SULT4A1: variants seen among roughly 807,000 people sequenced by gnomAD.
SULT4A1 encodes the protein sulfotransferase 4A1.
Under a neutral mutation model 35.2 loss-of-function variants are expected in SULT4A1, and 11 were observed. That is an observed-to-expected ratio of 0.31 (90% CI 0.20 to 0.52). The LOEUF is 0.52. SULT4A1 is among the 20% of genes least tolerant of loss of function. SULT4A1 has a pLI of 0.97. For synonymous variants in SULT4A1, 152 were observed against 151.8 expected, an observed-to-expected ratio of 1.00 and a Z score of -0.01; for missense variants, 271 against 383.7, an observed-to-expected ratio of 0.71 and a Z score of 2.45.
chr22:43,850,736 T>G (rs1260217078), intron 1 of SULT4A1, among the ~76,000 whole-genome samples: 1 of 152,172 alleles, frequency 6.6e-6, no homozygotes, highest in South Asian at 2.1e-4. Flanking sequence ...TTCCTGGGCA[T>G]GTGAGACTGA....
At chr22:43,831,650 C>T (rs1483073047) in intron 5 of SULT4A1, among the ~76,000 whole-genome samples, 1 of 152,248 alleles carries the variant, frequency 6.6e-6, no homozygotes, top group African/African-American at 2.4e-5. Context: ...CAGAGCTCCG[C>T]GCCACGCAGG....
intron 6 of SULT4A1, chr22:43,826,350 C>T (rs1290428347): frequency 5.1e-6 from 5 of 985,286 alleles, no homozygotes; most frequent in Non-Finnish European, 6.0e-6. Flanking sequence ...GAGGCTGTGG[C>T]ACAGTGAGCC....
rs111926120 is a variant in SULT4A1, at chr22:43,850,911, C to T, written c.170-8979G>A. Among the ~76,000 whole-genome samples, 541 of 152,196 alleles carry T rather than the reference C, an allele frequency of 3.6e-3. 2 individuals are homozygous for T. The highest frequency in any genetic ancestry group is 6.6e-3 in the Non-Finnish European group (447 of 67,996). On this transcript the variant is annotated intron_variant, in intron 1 of 6. Transcript: ENST00000330884. ...CTCTCTGTGGGAGCTTTGAGATCTT[C>T]CCTTTGCCCCAGTTTACTCATTCAC...
In SULT4A1 at chr22:43,840,030, G is replaced by A. The variant is rs376011083; in HGVS notation, c.301-5C>T. The A allele has an allele frequency of 4.8e-5, 77 of 1,598,322 alleles. No homozygotes were observed. The highest frequency in any genetic ancestry group is 5.9e-5 in the Non-Finnish European group (69 of 1,172,796). On this transcript the variant is annotated splice_region_variant and splice_polypyrimidine_tract_variant and intron_variant, in intron 2 of 6. Coordinates refer to ENST00000330884, the MANE Select transcript of SULT4A1 (RefSeq NM_014351.4). The stretch of plus-strand genomic sequence containing the variant: ...GAGGCGGGGAGAGGTCAGTTCCTGC[G>A]TGGAGTCAGAGGGAGAGGCAGGTCA...
intron 4 of SULT4A1, among the ~76,000 whole-genome samples, chr22:43,834,046 G>A (rs2063345435): frequency 6.6e-6 from 1 of 152,178 alleles, no homozygotes; most frequent in African/African-American, 2.4e-5. Flanking sequence ...TGGTCACCAG[G>A]AAGCCCTGGA....
At chr22:43,831,046 G>A (rs940484287) in intron 5 of SULT4A1, among the ~76,000 whole-genome samples, 10 of 152,168 alleles carry the variant, frequency 6.6e-5, no homozygotes, top group Admixed American at 4.6e-4. Flanking sequence ...TCACAGACCG[G>A]CTTTGATAGA....
At chr22:43,837,682 G>A (rs768155918) in intron 4 of SULT4A1, among the ~76,000 whole-genome samples, 10 of 152,206 alleles carry the variant, frequency 6.6e-5, no homozygotes, top group South Asian at 2.1e-4. Flanking sequence ...TGAGGCCCTC[G>A]TGGGTTTTCA....
chr22:43,861,915 C>A (rs544728193), intron 1 of SULT4A1, among the ~76,000 whole-genome samples: 13 of 152,346 alleles, frequency 8.5e-5, no homozygotes, highest in African/African-American at 3.1e-4. Flanking sequence ...TGGGTGGCGG[C>A]CCTGGGCCCA....
chr22:43,857,961 G>A, intron 1 of SULT4A1, among the ~76,000 whole-genome samples: 1 of 144,514 alleles, frequency 6.9e-6, no homozygotes, highest in East Asian at 2.2e-4. Flanking sequence ...GAGGCAGGAG[G>A]ATTGCTTGAG....
At chr22:43,858,736 C>G (rs1430742336) in intron 1 of SULT4A1, among the ~76,000 whole-genome samples, 2 of 135,670 alleles carry the variant, frequency 1.5e-5, no homozygotes, top group African/African-American at 5.5e-5. Flanking sequence ...CTTACCCCCT[C>G]CTGTGGGTGG....
intron 5 of SULT4A1, 29 bp from the exon 6 acceptor site, chr22:43,829,227 G>A (rs367844564): frequency 5.5e-5 from 83 of 1,510,028 alleles, no homozygotes; most frequent in Non-Finnish European, 6.8e-5. Flanking sequence ...GAGCAGAGCA[G>A]CCCATCAGAG....
chr22:43,834,359 C>G (rs1352435087), intron 4 of SULT4A1, among the ~76,000 whole-genome samples: 1 of 112,966 alleles, frequency 8.9e-6, no homozygotes, highest in Non-Finnish European at 1.9e-5. Flanking sequence ...GCTTCCCGCG[C>G]CCCCACCGCG....
intron 1 of SULT4A1, among the ~76,000 whole-genome samples, chr22:43,861,035 C>T (rs1373985981): frequency 2.6e-5 from 4 of 152,130 alleles, no homozygotes; most frequent in Non-Finnish European, 2.9e-5. Context: ...AATGAGTGGC[C>T]ACAGAAGCCA....
At chr22:43,838,111 G>A (rs1321185217) in intron 4 of SULT4A1, among the ~76,000 whole-genome samples, 1 of 152,216 alleles carries the variant, frequency 6.6e-6, no homozygotes, top group Non-Finnish European at 1.5e-5. Flanking sequence ...AGGAAGGCAG[G>A]AACAGAACTG....
chr22:43,852,508 C>A (rs1184012783), intron 1 of SULT4A1, among the ~76,000 whole-genome samples: 1 of 152,044 alleles, frequency 6.6e-6, no homozygotes, highest in Non-Finnish European at 1.5e-5. Context: ...GGCAACCCAT[C>A]AGGGCCAGGC....
chr22:43,832,196 T>G lies in SULT4A1; in HGVS notation c.603+1444A>C, dbSNP rs114180029. Among the ~76,000 whole-genome samples the G allele has an allele frequency of 2.6e-3, 400 of 152,276 alleles. 2 individuals are homozygous for G. Among genetic ancestry groups the G allele is most frequent in the African/African-American group, 9.2e-3 (381 of 41,552 alleles). On this transcript the variant is annotated intron_variant, in intron 5 of 6. Coordinates refer to ENST00000330884, the MANE Select transcript of SULT4A1 (RefSeq NM_014351.4). ...TCTCTACCACACCGTCCTCTGGGCG[T>G]GAGCAGGGACCCTAAATGTGGCTCT... is the stretch of plus-strand genomic sequence containing the variant.
chr22:43,844,192 A>T (rs1374694559), intron 1 of SULT4A1, among the ~76,000 whole-genome samples: 2 of 152,214 alleles, frequency 1.3e-5, no homozygotes, highest in African/African-American at 4.8e-5. Flanking sequence ...CGCACATGTA[A>T]GATATAATTC....
intron 1 of SULT4A1, among the ~76,000 whole-genome samples, chr22:43,842,658 A>G (rs573434038): frequency 1.3e-5 from 2 of 152,298 alleles, no homozygotes; most frequent in African/African-American, 4.8e-5. Flanking sequence ...CTCCCACCCC[A>G]AGGCGCTCCA....
intron 4 of SULT4A1, among the ~76,000 whole-genome samples, chr22:43,835,912 G>A (rs557600263): frequency 7.0e-4 from 107 of 152,358 alleles, no homozygotes; most frequent in South Asian, 1.4e-3. Flanking sequence ...ACGGGAATGA[G>A]CTGTAGGTTG....
Sources: gnomAD v4.1 joint callset for allele counts (sites outside exome capture counted in the v4.1 genomes callset) on GRCh38, gnomAD v4.1.1 for gene constraint, MANE v1.5 for transcripts, NCBI Gene and HGNC (gene_info 2026-07-23, HGNC 2026-07-21) for gene names.